PSD3: variants seen among roughly 807,000 people sequenced by gnomAD.
PSD3 encodes PH and SEC7 domain-containing protein 3.
PSD3 carries 49 observed loss-of-function variants against 105.5 expected under a neutral mutation model. The observed-to-expected ratio is 0.46, with a 90% CI of 0.37 to 0.59. The LOEUF (loss-of-function observed/expected upper bound fraction) is 0.59. PSD3 is among the 20% of genes least tolerant of loss of function. The pLI, the probability that PSD3 is intolerant of heterozygous loss-of-function variation, is 0.00. For missense variants in PSD3, 1,561 were observed against 1,263.8 expected, an observed-to-expected ratio of 1.24 and a Z score of -3.57; for synonymous variants, 557 against 457.8, an observed-to-expected ratio of 1.22 and a Z score of -2.77.
chr8:18,775,752 A>C (rs916445532), intron 8 of PSD3, among the ~76,000 whole-genome samples: 2 of 152,192 alleles, frequency 1.3e-5, no homozygotes, highest in African/African-American at 4.8e-5. Context: ...GGATAGCTCA[A>C]AAATATCTTC....
Position 18,692,835 on chromosome 8 carries a change from C to G in PSD3, c.2173-37150G>C, listed in dbSNP as rs550004860. 2.6e-5 allele frequency among the ~76,000 whole-genome samples: 4 copies of G among 152,248 alleles called. No homozygotes were observed. The South Asian group carries it at 8.3e-4, about 32-fold the overall frequency. Reference sequence around the variant, plus strand: ...TTATATAGATGTTATTTTAACTCCTCACTGGATAAGGTCTCTCTGAAATTA... The same window carrying G: ...TTATATAGATGTTATTTTAACTCCTGACTGGATAAGGTCTCTCTGAAATTA... On this transcript the variant is annotated intron_variant, in intron 9 of 15. Transcript: ENST00000327040.
intron 1 of PSD3, among the ~76,000 whole-genome samples, chr8:19,021,599 G>GA (rs924660332): frequency 2.3e-4 from 35 of 150,828 alleles, no homozygotes; most frequent in African/African-American, 8.5e-4. Flanking sequence ...ATTGTAAAGA[G>GA]AAAATCTAAT....
At chr8:18,987,186 T>A (rs1442480777) in intron 1 of PSD3, among the ~76,000 whole-genome samples, 2 of 152,176 alleles carry the variant, frequency 1.3e-5, no homozygotes, top group East Asian at 1.9e-4. Context: ...TTATTTATTA[T>A]GTTTTAGAAG....
intron 2 of PSD3, among the ~76,000 whole-genome samples, chr8:18,920,486 T>C (rs1455844978): frequency 6.6e-6 from 1 of 152,220 alleles, no homozygotes; most frequent in Non-Finnish European, 1.5e-5. Flanking sequence ...TGAGCGCTGC[T>C]TTCTTGGATG....
chr8:18,843,070 C>A (rs1814781816), intron 4 of PSD3, among the ~76,000 whole-genome samples: 1 of 152,096 alleles, frequency 6.6e-6, no homozygotes, highest in Non-Finnish European at 1.5e-5. Flanking sequence ...AAACATAAAA[C>A]CATCAGTAGT....
At chr8:18,571,438 T>A (rs1008098697) in intron 14 of PSD3, among the ~76,000 whole-genome samples, 6 of 152,138 alleles carry the variant, frequency 3.9e-5, no homozygotes, top group African/African-American at 1.4e-4. Flanking sequence ...GCACATTAGG[T>A]ACCACATTTC....
chr8:18,655,517 C>G, intron 10 of PSD3, 125 bp downstream of exon 10: 1 of 898,068 alleles, frequency 1.1e-6, no homozygotes, highest in Non-Finnish European at 1.8e-6. Context: ...AGGTAAGACA[C>G]TTGGTGTAAA....
chr8:18,899,613 C>T (rs899483662), intron 2 of PSD3, among the ~76,000 whole-genome samples: 8 of 151,882 alleles, frequency 5.3e-5, no homozygotes, highest in South Asian at 2.1e-4. Context: ...CAGATGACTT[C>T]GATGTCTTCA....
At chr8:18,900,680 T>TTGCTC (rs1819450292) in intron 2 of PSD3, among the ~76,000 whole-genome samples, 1 of 148,326 alleles carries the variant, frequency 6.7e-6, no homozygotes, top group Non-Finnish European at 1.5e-5. Context: ...AGACAGGGTC[T>TTGCTC]TGCTCTGTCA....
chr8:18,828,712 G>A (rs561011585), intron 4 of PSD3, among the ~76,000 whole-genome samples: 1 of 152,254 alleles, frequency 6.6e-6, no homozygotes, highest in Non-Finnish European at 1.5e-5. Context: ...TGAAATCCCA[G>A]CATTTTGGGA....
intron 9 of PSD3, among the ~76,000 whole-genome samples, chr8:18,691,871 C>G (rs751410836): frequency 2.7e-4 from 41 of 152,092 alleles, no homozygotes; most frequent in Admixed American, 2.3e-3. Flanking sequence ...AGTACATGAC[C>G]CTAGGTGCAT....
chr8:18,989,827 T>C (rs911377045), intron 1 of PSD3, among the ~76,000 whole-genome samples: 5 of 152,194 alleles, frequency 3.3e-5, no homozygotes, highest in African/African-American at 1.2e-4. Flanking sequence ...CTCAGCACTG[T>C]GCTAGAATCA....
intron 12 of PSD3, among the ~76,000 whole-genome samples, chr8:18,578,476 T>A (rs1802597823): frequency 6.6e-6 from 1 of 152,146 alleles, no homozygotes; most frequent in African/African-American, 2.4e-5. Flanking sequence ...TCTCTGATCA[T>A]TATTTTGCTA....
chr8:18,989,216 T>C (rs1262173649), intron 1 of PSD3: 1 of 152,204 alleles, frequency 6.6e-6, no homozygotes. Context: ...CTGCACAATG[T>C]TCTAGAAGCC....
intron 10 of PSD3, among the ~76,000 whole-genome samples, chr8:18,644,904 C>T (rs1436442871): frequency 1.8e-4 from 28 of 152,212 alleles, no homozygotes; most frequent in Admixed American, 1.8e-3. Flanking sequence ...AGTTCAAAGT[C>T]AAGTAAGGGG....
Position 18,556,347 on chromosome 8 carries a change from C to T in PSD3, c.2790G>A (p.Glu930=). 6.2e-7 allele frequency: 1 copy of T among 1,611,662 alleles called. No individual in the cohort carries two copies. The highest frequency in any genetic ancestry group is 2.2e-5 in the East Asian group (1 of 44,842). The change falls in exon 15 of 16, where the codon GAG becomes GAA. Residue 930 remains glutamate (E), a synonymous_variant. Transcript: ENST00000327040. ...PATTTKLSQE[E]QLKSHESKLK... The stretch of plus-strand genomic sequence containing the variant: ...GCTTACTTTCATGTGACTTCAGTTG[C>T]TCCTCCTGCAGGAAATCATGATGCC...
rs71218909 is a variant in PSD3 at position 18,916,378 on chromosome 8, A to ACACACACACAC, written c.130+19655_130+19656insGTGTGTGTGTG. Among the ~76,000 whole-genome samples, 261 of 84,020 alleles carry ACACACACACAC rather than the reference A, an allele frequency of 3.1e-3. 14 individuals are homozygous for ACACACACACAC. Among genetic ancestry groups the ACACACACACAC allele is most frequent in the Non-Finnish European group, 4.0e-3 (167 of 41,788 alleles). 55.1% of individuals were successfully genotyped at this position (84,020 alleles called of 152,430 possible). A position where few individuals can be genotyped will look rare whatever the true frequency, so the allele number is the denominator to read the frequency against. On this transcript the variant is annotated intron_variant, in intron 2 of 15. Coordinates refer to ENST00000327040, the MANE Select transcript of PSD3 (RefSeq NM_015310.4). Reference sequence around the variant, plus strand: ...CACACACACACACACACACACACACAAACAGAATACTATACAGCCTTAAAA... The same window carrying ACACACACACAC: ...CACACACACACACACACACACACACACACACACACACAACAGAATACTATACAGCCTTAAAA...
chr8:18,984,594 T>A (rs1825404934), intron 1 of PSD3, among the ~76,000 whole-genome samples: 1 of 152,246 alleles, frequency 6.6e-6, no homozygotes, highest in Non-Finnish European at 1.5e-5. Flanking sequence ...TTTCAGTTTT[T>A]AAAATGAGGC....
intron 1 of PSD3, among the ~76,000 whole-genome samples, chr8:19,056,496 C>T (rs557770538): frequency 6.6e-5 from 10 of 152,338 alleles, no homozygotes; most frequent in African/African-American, 1.9e-4. Flanking sequence ...ATGAAAAATG[C>T]ATGGGCAAAT....
Sources: gnomAD v4.1 joint callset for allele counts (sites outside exome capture counted in the v4.1 genomes callset) on GRCh38, gnomAD v4.1.1 for gene constraint, MANE v1.5 for transcripts, NCBI Gene and HGNC (gene_info 2026-07-23, HGNC 2026-07-21) for gene names.